KCNC2: variants seen among roughly 807,000 people sequenced by gnomAD.
KCNC2 encodes potassium voltage-gated channel subfamily C member 2, also known as voltage-gated potassium channel KCNC2.
KCNC2 carries 21 observed loss-of-function variants against 44.5 expected under a neutral mutation model. The observed-to-expected ratio is 0.47, with a 90% confidence interval of 0.33 to 0.68. The LOEUF is 0.68. Among genes scored for constraint, KCNC2 ranks in the 30% least tolerant of loss-of-function variants. The probability of loss-of-function intolerance (pLI) is 0.01; values close to 1 mark genes in which losing one functional copy is unlikely to be tolerated. For missense variants in KCNC2, 589 were observed against 826.2 expected, an observed-to-expected ratio of 0.71 and a Z score of 3.52; for synonymous variants, 391 against 339.1, an observed-to-expected ratio of 1.15 and a Z score of -1.68.
intron 2 of KCNC2, among the ~76,000 whole-genome samples, chr12:75,177,166 A>G (rs1892247692): frequency 6.6e-6 from 1 of 151,496 alleles, no homozygotes; most frequent in Non-Finnish European, 1.5e-5. Context: ...AATACTAGAT[A>G]ATTAGTGAAA....
intron 2 of KCNC2, among the ~76,000 whole-genome samples, chr12:75,201,805 A>G (rs1001698420): frequency 6.6e-6 from 1 of 151,884 alleles, no homozygotes; most frequent in Non-Finnish European, 1.5e-5. Flanking sequence ...AAAGCCCTTC[A>G]TATTTCAACC....
At chr12:75,101,568 G>C (rs1886375428) in intron 2 of KCNC2, among the ~76,000 whole-genome samples, 1 of 152,026 alleles carries the variant, frequency 6.6e-6, no homozygotes, top group Non-Finnish European at 1.5e-5. Context: ...CTCTTAAAAA[G>C]AGAAAACTTG....
chr12:75,085,895 T>C (rs1354823995), intron 2 of KCNC2, among the ~76,000 whole-genome samples: 3 of 152,006 alleles, frequency 2.0e-5, no homozygotes, highest in African/African-American at 2.4e-5. Flanking sequence ...ATTAATGCAA[T>C]GGTAGTGATG....
chr12:75,208,438 TCTC>T (rs2031889074), intron 1 of KCNC2, among the ~76,000 whole-genome samples: 1 of 147,338 alleles, frequency 6.8e-6, no homozygotes, highest in Admixed American at 6.9e-5. Context: ...TGCCCCATTC[TCTC>T]CTCCTCCCCT....
At chr12:75,071,856 G>A (rs1883438370) in intron 2 of KCNC2, among the ~76,000 whole-genome samples, 1 of 134,788 alleles carries the variant, frequency 7.4e-6, no homozygotes, top group Non-Finnish European at 1.5e-5. Context: ...AGAATCGCTT[G>A]AACCCAGGGA....
At chr12:75,124,028 T>C (rs1837843902) in intron 2 of KCNC2, 1 of 152,150 alleles carries the variant, frequency 6.6e-6, no homozygotes, top group South Asian at 2.1e-4. Flanking sequence ...TTAAAAAAGG[T>C]CAAAGCGTTC....
intron 2 of KCNC2, among the ~76,000 whole-genome samples, chr12:75,071,308 A>G (rs1019305569): frequency 1.1e-4 from 16 of 152,324 alleles, no homozygotes; most frequent in Middle Eastern, 3.4e-3. Context: ...TTTATTGAAG[A>G]TAAATCTTAT....
chr12:75,053,628 A>T (rs1399726646), intron 2 of KCNC2, among the ~76,000 whole-genome samples: 1 of 151,588 alleles, frequency 6.6e-6, no homozygotes, highest in Non-Finnish European at 1.5e-5. Flanking sequence ...TGCTATTTTT[A>T]TAATTCTGTA....
At chr12:75,201,413 A>G (rs1272790010) in intron 2 of KCNC2, among the ~76,000 whole-genome samples, 1 of 151,514 alleles carries the variant, frequency 6.6e-6, no homozygotes, top group East Asian at 1.9e-4. Flanking sequence ...TTATCCTACA[A>G]ATCTCAAAAT....
chr12:75,119,375 T>C (rs935788163), intron 2 of KCNC2, among the ~76,000 whole-genome samples: 3 of 152,158 alleles, frequency 2.0e-5, no homozygotes, highest in Non-Finnish European at 2.9e-5. Flanking sequence ...ATTTTCTCTC[T>C]AGTAGAGATC....
intron 2 of KCNC2, among the ~76,000 whole-genome samples, chr12:75,106,524 A>G (rs1327901627): frequency 6.6e-6 from 1 of 152,198 alleles, no homozygotes; most frequent in African/African-American, 2.4e-5. Context: ...AGGAGGCATT[A>G]TTACCTTGCA....
intron 2 of KCNC2, among the ~76,000 whole-genome samples, chr12:75,120,083 A>G (rs1288406883): frequency 2.0e-5 from 3 of 152,226 alleles, no homozygotes; most frequent in Non-Finnish European, 4.4e-5. Flanking sequence ...TTCAAATGCA[A>G]TAAATACAGA....
At chr12:75,043,877 T>A in intron 4 of KCNC2, 1 of 1,001,536 alleles carries the variant, frequency 1.0e-6, no homozygotes, top group Admixed American at 2.7e-5. Flanking sequence ...AGTCATAATT[T>A]CAGTGAAATA....
intron 2 of KCNC2, among the ~76,000 whole-genome samples, chr12:75,072,406 G>T (rs1409259056): frequency 1.3e-5 from 2 of 151,972 alleles, no homozygotes; most frequent in Non-Finnish European, 2.9e-5. Context: ...TACATTGAAA[G>T]GAAGGGAATA....
chr12:75,059,422 C>T (rs888665670), intron 2 of KCNC2, among the ~76,000 whole-genome samples: 1 of 152,108 alleles, frequency 6.6e-6, no homozygotes, highest in Non-Finnish European at 1.5e-5. Context: ...GGCTACATGA[C>T]ATGTGGTCTC....
chr12:75,100,590 C>A (rs1436898266), intron 2 of KCNC2, among the ~76,000 whole-genome samples: 1 of 151,964 alleles, frequency 6.6e-6, no homozygotes. Flanking sequence ...ACATTACTAT[C>A]ATATATTCTA....
At chr12:75,083,031 T>C (rs953077877) in intron 2 of KCNC2, among the ~76,000 whole-genome samples, 17 of 151,544 alleles carry the variant, frequency 1.1e-4, no homozygotes, top group African/African-American at 3.1e-4. Flanking sequence ...TATTTATATG[T>C]AAAGAGATAT....
intron 2 of KCNC2, among the ~76,000 whole-genome samples, chr12:75,140,982 A>T (rs1889611350): frequency 6.6e-6 from 1 of 152,060 alleles, no homozygotes; most frequent in African/African-American, 2.4e-5. Context: ...TCACTGTGGG[A>T]AATACCTTTC....
chr12:75,147,372 G>A (rs534442780), intron 2 of KCNC2, among the ~76,000 whole-genome samples: 12 of 152,026 alleles, frequency 7.9e-5, no homozygotes, highest in South Asian at 4.2e-4. Flanking sequence ...ACCAGACAAC[G>A]TTTTCTTAAA....
Sources: gnomAD v4.1 joint callset for allele counts (sites outside exome capture counted in the v4.1 genomes callset) on GRCh38, gnomAD v4.1.1 for gene constraint, MANE v1.5 for transcripts, NCBI Gene and HGNC (gene_info 2026-07-23, HGNC 2026-07-21) for gene names.